The following RIMBP2 variants were observed in gnomAD, a reference collection of about 807,000 sequenced individuals.
RIMBP2 encodes RIMS-binding protein 2.
In RIMBP2, 48 loss-of-function variants were observed where a neutral mutation model predicts 118.6. The observed-to-expected ratio is 0.40, with a 90% CI of 0.32 to 0.51. The LOEUF is 0.51. Among genes scored for constraint, RIMBP2 ranks in the 20% least tolerant of loss-of-function variants. RIMBP2 has a pLI of 0.41. For missense variants in RIMBP2, 1,551 were observed against 1,768.3 expected, an observed-to-expected ratio of 0.88 and a Z score of 2.20; for synonymous variants, 762 against 742.9, an observed-to-expected ratio of 1.03 and a Z score of -0.42.
intron 1 of RIMBP2, among the ~76,000 whole-genome samples, chr12:130,643,609 A>G (rs1482746291): frequency 6.6e-6 from 1 of 152,132 alleles, no homozygotes. Flanking sequence ...AAGAAAACAA[A>G]TTCTATACAT....
At position 130,431,794 on chromosome 12, in the gene RIMBP2, AGCTGTGTTTCTGCC is replaced by A. The variant is rs1458548620; in HGVS notation, c.2253+2926_2253+2939del. ...GAGTGGGAGGCCCTCGGAAGTGCAGAGCTGTGTTTCTGCCGCTGTGTTTCTACTCTTCTCTAGAA... is the reference window on the plus strand; with the variant it reads ...GAGTGGGAGGCCCTCGGAAGTGCAGAGCTGTGTTTCTACTCTTCTCTAGAA... On this transcript the variant is annotated intron_variant, in intron 14 of 22. Coordinates refer to ENST00000690449, the MANE Select transcript of RIMBP2 (RefSeq NM_001393629.1). The surrounding 1 kb of genome is among the most constrained non-coding windows in gnomAD (Gnocchi z 4.0). 1 of 154,048 alleles carries A rather than the reference AGCTGTGTTTCTGCC, an allele frequency of 6.5e-6. No individual in the cohort carries two copies. Among genetic ancestry groups the A allele is most frequent in the Non-Finnish European group, 1.4e-5 (1 of 69,582 alleles). The allele number at this position is 154,048 out of a possible 1,614,324, so 9.5% of individuals were successfully genotyped here.
rs2292663 is a variant in RIMBP2 at position 130,436,926 on chromosome 12, T to C, written c.2022A>G (p.Pro674=). Residue 674 remains proline, a synonymous_variant, in exon 13 of 23, where the codon CCA becomes CCG. Coordinates refer to ENST00000690449, the MANE Select transcript of RIMBP2 (RefSeq NM_001393629.1). The stretch of plus-strand genomic sequence containing the variant: ...TGGACACCGGGGTGCCCTGTGGCTG[T>C]GGCAGGATGCGGCTGGGTGAGGGCG... ...RRSPSPSRIL[P]QPQGTPVSTT... is the part of the protein sequence containing the mutation. The C allele has an allele frequency of 0.11, 181,000 of 1,602,032 alleles. 11,119 individuals are homozygous for C. Among genetic ancestry groups the C allele is most frequent in the East Asian group, 0.24 (10,662 of 44,372 alleles).
In RIMBP2 at chr12:130,446,981, C is replaced by A. The variant is rs1238148362; in HGVS notation, c.582-1712G>T. On this transcript the variant is annotated intron_variant, in intron 9 of 22. Coordinates refer to ENST00000690449, the MANE Select transcript of RIMBP2 (RefSeq NM_001393629.1). This position sits in a 1 kb window ranked among gnomAD's most constrained non-coding sequence, Gnocchi z 4.1. ...TGGCCTCAGGGTGAGCAGGCGGGGA[C>A]ACAAGTCACTGAGTGGGGGTTTTCA... Among the ~76,000 whole-genome samples the A allele has an allele frequency of 7.0e-6, 1 of 143,152 alleles. No homozygotes were observed. The highest frequency in any genetic ancestry group is 7.2e-5 in the Admixed American group (1 of 13,932). 93.9% of individuals were successfully genotyped at this position (143,152 alleles called of 152,430 possible). A position where few individuals can be genotyped will look rare whatever the true frequency, so the allele number is the denominator to read the frequency against.
chr12:130,588,866 A>C (rs900095598), intron 2 of RIMBP2, among the ~76,000 whole-genome samples: 5 of 152,242 alleles, frequency 3.3e-5, no homozygotes, highest in Admixed American at 6.5e-5. Flanking sequence ...TCTGATGTAG[A>C]CTGTGCTTAA....
chr12:130,565,961 C>T (rs1228729259), intron 2 of RIMBP2, among the ~76,000 whole-genome samples: 1 of 152,116 alleles, frequency 6.6e-6, no homozygotes, highest in Admixed American at 6.5e-5. Context: ...AAACCTGTAT[C>T]AGAGATGATG....
At chr12:130,510,806 A>G (rs2050837668) in intron 3 of RIMBP2, among the ~76,000 whole-genome samples, 1 of 152,064 alleles carries the variant, frequency 6.6e-6, no homozygotes. Context: ...TCATGCCACA[A>G]TTATGGTTTT....
chr12:130,471,207 C>T (rs931400432), intron 5 of RIMBP2, among the ~76,000 whole-genome samples: 2 of 152,224 alleles, frequency 1.3e-5, no homozygotes, highest in Non-Finnish European at 2.9e-5. Flanking sequence ...GTGGCAGGGC[C>T]GCCCTCTTCA....
rs2136881565 is a variant in RIMBP2, at chr12:130,710,540, A to G, written c.-352+5682T>C. The stretch of plus-strand genomic sequence containing the variant: ...TCTAGCTTGTTCACTGCTCACCTAA[A>G]ATGTGAGTCAGTATTTAGCAGGTGC... On this transcript the variant is annotated intron_variant, in intron 1 of 22. Coordinates refer to ENST00000690449, the MANE Select transcript of RIMBP2 (RefSeq NM_001393629.1). This position sits in a 1 kb window ranked among gnomAD's most constrained non-coding sequence, Gnocchi z 4.3. Among the ~76,000 whole-genome samples, 1 of 152,196 alleles carries G rather than the reference A, an allele frequency of 6.6e-6. No homozygotes were observed. The highest frequency in any genetic ancestry group is 6.5e-5 in the Admixed American group (1 of 15,296).
At chr12:130,697,873 A>C (rs1165578438) in intron 1 of RIMBP2, among the ~76,000 whole-genome samples, 1 of 152,230 alleles carries the variant, frequency 6.6e-6, no homozygotes, top group African/African-American at 2.4e-5. Context: ...TGGTGAAGAG[A>C]CAGTGAGCTC....
intron 22 of RIMBP2, chr12:130,398,321 G>A (rs1436513397): frequency 6.6e-6 from 1 of 152,316 alleles, no homozygotes; most frequent in Non-Finnish European, 1.5e-5. Flanking sequence ...CCTCTCCAGA[G>A]CAACTCTTGC....
intron 4 of RIMBP2, among the ~76,000 whole-genome samples, chr12:130,506,221 C>T (rs541494979): frequency 1.2e-4 from 18 of 152,102 alleles, no homozygotes; most frequent in Middle Eastern, 3.4e-3. Flanking sequence ...ACCTGTACCC[C>T]CTGATAGAGC....
intron 4 of RIMBP2, among the ~76,000 whole-genome samples, chr12:130,495,514 G>A (rs1041060078): frequency 6.6e-6 from 1 of 152,142 alleles, no homozygotes; most frequent in Non-Finnish European, 1.5e-5. Flanking sequence ...GTCTTCCTCC[G>A]TCTCTGAAAT....
intron 1 of RIMBP2, among the ~76,000 whole-genome samples, chr12:130,672,641 C>T (rs1380713881): frequency 6.6e-5 from 10 of 152,160 alleles, no homozygotes; most frequent in South Asian, 2.1e-4. Context: ...AAAACCTCCA[C>T]GGGGGGTTGC....
At chr12:130,505,146 G>A (rs1004889376) in intron 4 of RIMBP2, among the ~76,000 whole-genome samples, 1 of 152,148 alleles carries the variant, frequency 6.6e-6, no homozygotes, top group Non-Finnish European at 1.5e-5. Flanking sequence ...CTCCTCTCTT[G>A]AGGGTTACAT....
intron 6 of RIMBP2, among the ~76,000 whole-genome samples, chr12:130,457,742 A>G (rs2079574683): frequency 6.6e-6 from 1 of 152,156 alleles, no homozygotes; most frequent in African/African-American, 2.4e-5. Context: ...TCAAGGACAC[A>G]CCTTCGATAC....
intron 21 of RIMBP2, among the ~76,000 whole-genome samples, chr12:130,400,657 A>G (rs1442644004): frequency 3.9e-5 from 6 of 152,184 alleles, no homozygotes; most frequent in Non-Finnish European, 8.8e-5. Flanking sequence ...ACATCAAAAC[A>G]CCTGTGCAGT....
chr12:130,590,925 G>A (rs530061181), intron 2 of RIMBP2, among the ~76,000 whole-genome samples: 3 of 152,284 alleles, frequency 2.0e-5, no homozygotes, highest in South Asian at 2.1e-4. Context: ...GCGGATTGTC[G>A]CCCCAGAGCA....
chr12:130,614,835 AAT>A (rs1381258532), intron 2 of RIMBP2, among the ~76,000 whole-genome samples: 1 of 150,880 alleles, frequency 6.6e-6, no homozygotes, highest in African/African-American at 2.4e-5. Flanking sequence ...CAAGTTATCA[AAT>A]ATATATATAT....
In RIMBP2 at chr12:130,420,440, A is replaced by C. The variant is rs2076345352; in HGVS notation, c.3238+2013T>G. Among the ~76,000 whole-genome samples the C allele has an allele frequency of 6.6e-6, 1 of 152,222 alleles. No homozygotes were observed. The highest frequency in any genetic ancestry group is 1.5e-5 in the Non-Finnish European group (1 of 68,038). ...TAGATTTGCTCTTTCACCCAATTTA[A>C]CAAGTGTGCTACTGAAATTAAGACA... On this transcript the variant is annotated intron_variant, in intron 17 of 22. Transcript: ENST00000690449. The surrounding 1 kb of genome is among the most constrained non-coding windows in gnomAD (Gnocchi z 4.3).
Sources: allele counts gnomAD v4.1 joint callset (sites outside exome capture counted in the v4.1 genomes callset), GRCh38; gene constraint gnomAD v4.1.1; non-coding constraint Gnocchi (gnomAD v3.1); transcripts MANE v1.5; gene names NCBI Gene and HGNC (gene_info 2026-07-23, HGNC 2026-07-21).